The following COMMD10 variants were observed in gnomAD, a reference collection of about 807,000 sequenced individuals.
The protein encoded by COMMD10 is COMM domain-containing protein 10.
Under a neutral mutation model 28.9 loss-of-function variants are expected in COMMD10, and 33 were observed. That is an observed-to-expected ratio of 1.14 (90% CI 0.87 to 1.53). The LOEUF is 1.53. Among genes scored for constraint, COMMD10 ranks in the 40% most tolerant of loss-of-function variants. COMMD10 has a pLI of 0.00. For missense variants in COMMD10, 310 were observed against 233.4 expected, an observed-to-expected ratio of 1.33 and a Z score of -2.14; for synonymous variants, 110 against 81.7, an observed-to-expected ratio of 1.35 and a Z score of -1.87.
intron 4 of COMMD10, among the ~76,000 whole-genome samples, chr5:116,104,648 C>T (rs961611653): frequency 6.6e-6 from 1 of 150,540 alleles, no homozygotes; most frequent in Non-Finnish European, 1.5e-5. Flanking sequence ...GAGACGGAGT[C>T]TCACTCTGTC....
chr5:116,292,764 G>C lies in COMMD10; in HGVS notation c.*275G>C. ...AAGTGAATACCATATTGTTTTTACT[G>C]TCATAGTGTTGCTTTCTTGCCTGTC... is the stretch of plus-strand genomic sequence containing the variant. On this transcript the variant is annotated 3_prime_UTR_variant, in exon 7 of 7. Transcript: ENST00000274458. The C allele has an allele frequency of 2.5e-6, 1 of 405,450 alleles. No individual in the cohort carries two copies. Among genetic ancestry groups the C allele is most frequent in the East Asian group, 3.5e-5 (1 of 28,318 alleles). The allele number at this position is 405,450 out of a possible 1,614,324, so 25.1% of individuals were successfully genotyped here. A position where few individuals can be genotyped will look rare whatever the true frequency, so the allele number is the denominator to read the frequency against.
At chr5:116,278,982 A>AT (rs961133913) in intron 5 of COMMD10, among the ~76,000 whole-genome samples, 1 of 151,790 alleles carries the variant, frequency 6.6e-6, no homozygotes, top group African/African-American at 2.4e-5. Context: ...CATATCCAAT[A>AT]TTTTTTTCCT....
chr5:116,278,083 A>C (rs1750967948), intron 5 of COMMD10, among the ~76,000 whole-genome samples: 1 of 151,852 alleles, frequency 6.6e-6, no homozygotes, highest in Non-Finnish European at 1.5e-5. Flanking sequence ...TGTCTTGAGA[A>C]GTTAAATAAT....
intron 5 of COMMD10, among the ~76,000 whole-genome samples, chr5:116,217,875 A>C (rs1311429807): frequency 6.6e-6 from 1 of 152,118 alleles, no homozygotes; most frequent in African/African-American, 2.4e-5. Context: ...CTTCCCCACA[A>C]AACAACAATG....
At chr5:116,270,353 T>C (rs1335610165) in intron 5 of COMMD10, among the ~76,000 whole-genome samples, 2 of 151,912 alleles carry the variant, frequency 1.3e-5, no homozygotes, top group Non-Finnish European at 2.9e-5. Context: ...AAAATTAGAC[T>C]GGGACCAGTT....
chr5:116,191,935 G>A (rs1352507421), intron 5 of COMMD10, among the ~76,000 whole-genome samples: 1 of 150,488 alleles, frequency 6.6e-6, no homozygotes. Flanking sequence ...CACTGGAACA[G>A]GTGCTGGTAT....
At chr5:116,182,818 C>T (rs967845770) in intron 5 of COMMD10, among the ~76,000 whole-genome samples, 5 of 152,062 alleles carry the variant, frequency 3.3e-5, no homozygotes, top group African/African-American at 1.2e-4. Flanking sequence ...TCCCCATAAT[C>T]CTCAAGGGCA....
At chr5:116,285,909 C>A (rs1341563566) in intron 5 of COMMD10, among the ~76,000 whole-genome samples, 2 of 151,726 alleles carry the variant, frequency 1.3e-5, no homozygotes, top group East Asian at 1.9e-4. Flanking sequence ...TCCTCTTGTT[C>A]AAGTTTTTGG....
At chr5:116,094,646 A>G (rs1750411547) in intron 4 of COMMD10, among the ~76,000 whole-genome samples, 1 of 152,190 alleles carries the variant, frequency 6.6e-6, no homozygotes, top group Admixed American at 6.5e-5. Flanking sequence ...GAACTACCAC[A>G]CAGTCCAGTA....
intron 5 of COMMD10, among the ~76,000 whole-genome samples, chr5:116,147,435 A>G (rs1752386457): frequency 6.6e-6 from 1 of 151,908 alleles, no homozygotes; most frequent in Non-Finnish European, 1.5e-5. Flanking sequence ...TGTTTCGTAA[A>G]TGTTTGATTC....
chr5:116,118,129 G>A (rs1751303515), intron 4 of COMMD10, among the ~76,000 whole-genome samples: 1 of 152,142 alleles, frequency 6.6e-6, no homozygotes, highest in Non-Finnish European at 1.5e-5. Context: ...AGTTCTGCTG[G>A]ATGTTCATAG....
intron 5 of COMMD10, among the ~76,000 whole-genome samples, chr5:116,167,274 G>C (rs1239880299): frequency 6.6e-6 from 1 of 151,830 alleles, no homozygotes. Flanking sequence ...ATGAAGTAAA[G>C]CATGAAGGCA....
intron 4 of COMMD10, among the ~76,000 whole-genome samples, chr5:116,127,152 G>A (rs1476204783): frequency 7.2e-5 from 11 of 152,280 alleles, no homozygotes; most frequent in African/African-American, 2.6e-4. Context: ...AGACATTTAT[G>A]CAGCCAACAG....
intron 5 of COMMD10, among the ~76,000 whole-genome samples, chr5:116,270,157 C>G (rs1299485444): frequency 2.0e-5 from 3 of 151,576 alleles, no homozygotes. Flanking sequence ...AGGTTTTATC[C>G]TTTTACTAAA....
chr5:116,126,821 C>T (rs183890795), intron 4 of COMMD10, among the ~76,000 whole-genome samples: 1 of 152,042 alleles, frequency 6.6e-6, no homozygotes, highest in African/African-American at 2.4e-5. Flanking sequence ...CCATAAAAAC[C>T]CTAGGAGGAA....
chr5:116,183,120 A>AT (rs1345594845), intron 5 of COMMD10, among the ~76,000 whole-genome samples: 1 of 152,154 alleles, frequency 6.6e-6, no homozygotes, highest in Non-Finnish European at 1.5e-5. Flanking sequence ...GAACAGACTA[A>AT]TATAATGATC....
chr5:116,279,164 C>T (rs1750998564), intron 5 of COMMD10, among the ~76,000 whole-genome samples: 1 of 151,618 alleles, frequency 6.6e-6, no homozygotes, highest in Non-Finnish European at 1.5e-5. Context: ...ATGTAAAACC[C>T]TACTGGTACT....
chr5:116,085,173 C>A, intron 1 of COMMD10, 80 bp downstream of exon 1: 1 of 1,120,040 alleles, frequency 8.9e-7, no homozygotes, highest in Non-Finnish European at 1.2e-6. Flanking sequence ...TCCTTGCTGC[C>A]TGCCGCCTGG....
intron 5 of COMMD10, among the ~76,000 whole-genome samples, chr5:116,218,567 T>C (rs1366701882): frequency 6.6e-6 from 1 of 152,174 alleles, no homozygotes; most frequent in Non-Finnish European, 1.5e-5. Flanking sequence ...TTTATCCAAC[T>C]TGATAAAACC....
Sources: allele counts gnomAD v4.1 joint callset (sites outside exome capture counted in the v4.1 genomes callset), GRCh38; gene constraint gnomAD v4.1.1; transcripts MANE v1.5; gene names NCBI Gene and HGNC (gene_info 2026-07-23, HGNC 2026-07-21).